GUCY2F: variants seen among roughly 807,000 people sequenced by gnomAD.
GUCY2F encodes guanylate cyclase 2F, retinal, also known as retinal guanylyl cyclase 2.
In GUCY2F, 61 loss-of-function variants were observed where a neutral mutation model predicts 73.1. The observed-to-expected ratio is 0.83, with a 90% confidence interval of 0.68 to 1.03. The LOEUF is 1.03. Among genes scored for constraint, GUCY2F ranks in the 50% least tolerant of loss-of-function variants. GUCY2F has a pLI of 0.00. For missense variants in GUCY2F, 912 were observed against 854.3 expected (o/e 1.07, Z -0.84); for synonymous variants, 331 against 307.8 (o/e 1.08, Z -0.79).
At chrX:109,459,531 A>G (rs2147279772) in intron 3 of GUCY2F, among the ~76,000 whole-genome samples, 1 of 111,725 alleles carries the variant, frequency 9.0e-6, no homozygotes, top group Admixed American at 9.5e-5. Context: ...GAGCTGGGGC[A>G]CTAGACGAAA....
intron 10 of GUCY2F, 120 bp from the exon 11 acceptor site, chrX:109,398,818 G>T: frequency 1.7e-6 from 1 of 593,822 alleles, no homozygotes; most frequent in Non-Finnish European, 2.6e-6. Context: ...TAGACAGACT[G>T]CCATGCTAGT....
intron 7 of GUCY2F, among the ~76,000 whole-genome samples, chrX:109,434,233 C>A (rs1603382979): frequency 1.8e-5 from 2 of 110,052 alleles, no homozygotes; most frequent in African/African-American, 6.6e-5. Context: ...CCCACCACAC[C>A]CCATCTCACC....
At chrX:109,393,913 A>T (rs1437478298) in intron 12 of GUCY2F, among the ~76,000 whole-genome samples, 1 of 112,161 alleles carries the variant, frequency 8.9e-6, no homozygotes, top group East Asian at 2.8e-4. Context: ...CCTCTTATAT[A>T]TAGCTGGGCC....
intron 6 of GUCY2F, among the ~76,000 whole-genome samples, chrX:109,445,194 A>T (rs1221722043): frequency 1.8e-5 from 2 of 112,126 alleles, no homozygotes; most frequent in Non-Finnish European, 3.8e-5. Context: ...TTTAATGAAG[A>T]TCACCAATTA....
chrX:109,399,457 C>T (rs775198069), intron 10 of GUCY2F, among the ~76,000 whole-genome samples: 4 of 112,386 alleles, frequency 3.6e-5, no homozygotes, highest in Non-Finnish European at 5.6e-5. Context: ...TTTCAGGCCC[C>T]GTCAGGGACA....
At chrX:109,445,422 G>A (rs993614785) in intron 6 of GUCY2F, among the ~76,000 whole-genome samples, 1 of 112,225 alleles carries the variant, frequency 8.9e-6, no homozygotes, top group African/African-American at 3.2e-5. Context: ...ATTGCTCCAA[G>A]TGCACTGCAT....
At chrX:109,381,939 A>C (rs1930321911) in intron 17 of GUCY2F, among the ~76,000 whole-genome samples, 179 bp downstream of exon 17, 1 of 112,773 alleles carries the variant, frequency 8.9e-6, no homozygotes, top group Admixed American at 9.3e-5. Flanking sequence ...TATTTTAAAG[A>C]GAAGAAAATT....
At chrX:109,462,858 A>G (rs1241129729) in intron 3 of GUCY2F, among the ~76,000 whole-genome samples, 2 of 111,896 alleles carry the variant, frequency 1.8e-5, no homozygotes, top group Non-Finnish European at 3.8e-5. Flanking sequence ...TTGCCTATAA[A>G]CACATCAAAC....
chrX:109,392,191 T>A, intron 13 of GUCY2F, 88 bp from the exon 14 acceptor site: 2 of 598,787 alleles, frequency 3.3e-6, no homozygotes, highest in Non-Finnish European at 2.7e-6. Flanking sequence ...AATAAACCTC[T>A]AAAAATCACT....
intron 7 of GUCY2F, among the ~76,000 whole-genome samples, chrX:109,435,387 C>G (rs1603383115): frequency 9.5e-6 from 1 of 105,597 alleles, no homozygotes. Flanking sequence ...CTCTTTGAAG[C>G]AATTGTGAAT....
At chrX:109,434,276 G>T (rs1931682661) in intron 7 of GUCY2F, among the ~76,000 whole-genome samples, 1 of 110,533 alleles carries the variant, frequency 9.0e-6, no homozygotes, top group African/African-American at 3.3e-5. Context: ...ATCCTGACAT[G>T]TCCCCACTGC....
rs372426858 is a variant in GUCY2F at position 109,453,844 on chromosome X, C to T, written c.1048G>A (p.Gly350Arg). 18 of 1,156,013 alleles carry T rather than the reference C, an allele frequency of 1.6e-5. No individual in the cohort carries two copies. The highest frequency in any genetic ancestry group is 2.4e-5 in the Admixed American group (1 of 42,268). The stretch of plus-strand genomic sequence containing the variant: ...AAGTAAATTGAATTGTAGATGGTTC[C>T]AAACAACGGTGAAACCTATTTTTAA... Reference protein sequence around the residue: ...LEFDQVSPLFGTIYNSIYFIA... With the variant: ...LEFDQVSPLFRTIYNSIYFIA... The change falls in exon 4 of 20, where the codon GGA (glycine) becomes AGA (arginine). Residue 350 changes from glycine to arginine, a missense_variant. Gly to Arg is a moderately radical substitution (Grantham distance 125). Coordinates refer to ENST00000218006, the MANE Select transcript of GUCY2F (RefSeq NM_001522.3).
At position 109,428,117 on chromosome X, in the gene GUCY2F, G is replaced by A. The variant is rs762093363; in HGVS notation, c.1791+2190C>T. ...AAATGCAGAAACAATGATGGAATAC[G>A]ACATTTATCAATGGATGTCAAAATT... On this transcript the variant is annotated intron_variant, in intron 8 of 19. Transcript: ENST00000218006. 4.5e-5 allele frequency among the ~76,000 whole-genome samples: 5 copies of A among 112,249 alleles called. No individual in the cohort carries two copies. In the East Asian group the frequency reaches 1.4e-3, roughly 31 times the overall value.
Position 109,375,964 on chromosome X carries a change from G to T in GUCY2F, c.3262C>A (p.Pro1088Thr). The T allele has an allele frequency of 8.3e-7, 1 of 1,207,589 alleles. No homozygotes were observed. Among genetic ancestry groups the T allele is most frequent in the Non-Finnish European group, 1.1e-6 (1 of 891,485 alleles). Reference protein sequence around the residue: ...KDGQVGHGLQPVEIAAFQRRK... With the variant: ...KDGQVGHGLQTVEIAAFQRRK... ...CTTTGGAAGGCTGCAATCTCCACTG[G>T]TTGCAGGCCATGGCCCACTTGCCTG... The change falls in exon 19 of 20, where the codon CCA (proline) becomes ACA (threonine). Residue 1088 changes from proline to threonine, a missense_variant. Coordinates refer to ENST00000218006, the MANE Select transcript of GUCY2F (RefSeq NM_001522.3).
intron 2 of GUCY2F, among the ~76,000 whole-genome samples, chrX:109,471,076 T>C (rs763953832): frequency 8.9e-6 from 1 of 112,149 alleles, no homozygotes; most frequent in Non-Finnish European, 1.9e-5. Context: ...ACAAGAATCT[T>C]CAATAAATGA....
chrX:109,383,491 G>T, intron 16 of GUCY2F: 1 of 325,475 alleles, frequency 3.1e-6, no homozygotes, highest in Non-Finnish European at 4.0e-6. Context: ...TTTATTAATA[G>T]ATATGTGACA....
intron 2 of GUCY2F, among the ~76,000 whole-genome samples, chrX:109,469,942 A>T (rs1349916462): frequency 1.8e-5 from 2 of 111,602 alleles, no homozygotes; most frequent in Non-Finnish European, 3.8e-5. Context: ...GATACCCCAC[A>T]CGTTTTTGGC....
intron 2 of GUCY2F, among the ~76,000 whole-genome samples, chrX:109,474,496 T>C (rs1363026437): frequency 8.9e-6 from 1 of 112,272 alleles, no homozygotes; most frequent in Non-Finnish European, 1.9e-5. Flanking sequence ...ATGATAGCTT[T>C]AGTGGGTCAA....
intron 8 of GUCY2F, among the ~76,000 whole-genome samples, chrX:109,429,049 G>C (rs971598213): frequency 8.9e-6 from 1 of 111,868 alleles, no homozygotes; most frequent in African/African-American, 3.2e-5. Flanking sequence ...TTCTGACCTT[G>C]ATCCCCCTTC....
Sources: allele counts gnomAD v4.1 joint callset (sites outside exome capture counted in the v4.1 genomes callset), GRCh38; gene constraint gnomAD v4.1.1; transcripts MANE v1.5; gene names NCBI Gene and HGNC (gene_info 2026-07-23, HGNC 2026-07-21).